The following FBN3 variants were observed in gnomAD, a reference collection of about 807,000 sequenced individuals.
The protein encoded by FBN3 is fibrillin-3.
A neutral mutation model predicts 330.1 loss-of-function variants in FBN3; 234 were observed. That is an observed-to-expected ratio of 0.71 (90% CI 0.64 to 0.79). The LOEUF is 0.79. Among genes scored for constraint, FBN3 ranks in the 30% least tolerant of loss-of-function variants. The probability of loss-of-function intolerance (pLI) is 0.00; values close to 1 mark genes in which losing one functional copy is unlikely to be tolerated. For missense variants in FBN3, 3,606 were observed against 3,886.9 expected (o/e 0.93, Z 1.92); for synonymous variants, 1,458 against 1,517.3 (o/e 0.96, Z 0.91).
chr19:8,140,712 G>T (rs191664873), intron 8 of FBN3, among the ~76,000 whole-genome samples: 119 of 152,226 alleles, frequency 7.8e-4, no homozygotes, highest in African/African-American at 2.7e-3. Flanking sequence ...CAAGGCCACA[G>T]GGTCTGTGAG....
intron 8 of FBN3, among the ~76,000 whole-genome samples, 161 bp downstream of exon 8, chr19:8,141,556 C>T (rs796370633): frequency 5.3e-5 from 8 of 152,206 alleles, no homozygotes; most frequent in African/African-American, 1.9e-4. Context: ...GAACAGAGGC[C>T]GGACAGGCTG....
In FBN3 at chr19:8,096,758, T is replaced by C; in HGVS notation, c.5413+123A>G. 3 of 1,331,342 alleles carry C rather than the reference T, an allele frequency of 2.3e-6. No individual in the cohort carries two copies. The highest frequency in any genetic ancestry group is 2.1e-6 in the Non-Finnish European group (2 of 966,852). 82.5% of individuals were successfully genotyped at this position (1,331,342 alleles called of 1,614,324 possible). The stretch of plus-strand genomic sequence containing the variant: ...ACATCCTATTAACAGACACTCTCAA[T>C]ACATCCCCCACCCCCCTAATAGTAT... On this transcript the variant is annotated intron_variant, in intron 43 of 63. Coordinates refer to ENST00000600128, the MANE Select transcript of FBN3 (RefSeq NM_032447.5). This position sits in a 1 kb window ranked among gnomAD's most constrained non-coding sequence, Gnocchi z 4.6.
At chr19:8,072,014 TG>T (rs780424396) in intron 63 of FBN3, 33 bp downstream of exon 63, 2 of 1,591,554 alleles carry the variant, frequency 1.3e-6, no homozygotes, top group South Asian at 2.2e-5. Flanking sequence ...ACCCATTCCC[TG>T]GCCACCCCTG....
At chr19:8,110,433 AC>A (rs1471990415) in intron 34 of FBN3, among the ~76,000 whole-genome samples, 3 of 152,140 alleles carry the variant, frequency 2.0e-5, no homozygotes, top group Non-Finnish European at 4.4e-5. Flanking sequence ...CCGGTCCACC[AC>A]CTGTTTGTGT....
chr19:8,138,300 G>A lies in FBN3; in HGVS notation c.1042C>T (p.Gln348Ter), dbSNP rs767381723. 12 of 1,613,138 alleles carry A rather than the reference G, an allele frequency of 7.4e-6. No individual in the cohort carries two copies. Among genetic ancestry groups the A allele is most frequent in the Non-Finnish European group, 1.7e-6 (2 of 1,179,746 alleles). Residue 348 changes from glutamine to a stop codon, truncating the protein, a stop_gained, in exon 10 of 64, where the codon CAG (glutamine) becomes TAG (stop). Coordinates refer to ENST00000600128, the MANE Select transcript of FBN3 (RefSeq NM_032447.5). LOFTEE classifies it high-confidence loss of function. Reference protein sequence around the residue: ...GSNEFQQLCAQRLPLLPGHPG... With the variant: ...GSNEFQQLCA ...TGGCCGGGTAGCAGCGGCAGCCGCT[G>A]GGCGCACAGTTGCTGGAATTCATCT...
chr19:8,083,405 T>C, intron 56 of FBN3, 33 bp from the exon 57 acceptor site: 3 of 1,612,336 alleles, frequency 1.9e-6, no homozygotes, highest in Non-Finnish European at 2.5e-6. Context: ...TGGGGCTGGC[T>C]GGCTGCTTCG....
intron 59 of FBN3, among the ~76,000 whole-genome samples, chr19:8,077,157 C>G (rs978621773): frequency 6.6e-6 from 1 of 152,112 alleles, no homozygotes; most frequent in Admixed American, 6.6e-5. Flanking sequence ...CAGGTTGCTA[C>G]GATGGTAGGA....
At position 8,110,921 on chromosome 19, in the gene FBN3, A is replaced by G. The variant is rs2082565257; in HGVS notation, c.4257T>C (p.Cys1419=). The G allele has an allele frequency of 6.2e-7, 1 of 1,614,176 alleles. No homozygotes were observed. Among genetic ancestry groups the G allele is most frequent in the African/African-American group, 1.3e-5 (1 of 75,034 alleles). Residue 1419 remains cysteine (C), a synonymous_variant, in exon 34 of 64, where the codon TGT becomes TGC. Transcript: ENST00000600128. ...AQGNLCAFGS[C]ENLPGMFRCI... is the part of the protein sequence containing the mutation. Reference sequence around the variant, plus strand: ...AGCGGAACATTCCAGGCAGGTTCTCACAGCTCCCAAATGCACAGAGGTTCC... The same window carrying G: ...AGCGGAACATTCCAGGCAGGTTCTCGCAGCTCCCAAATGCACAGAGGTTCC...
At chr19:8,112,213 G>T in intron 30 of FBN3, 114 bp from the exon 31 acceptor site, 1 of 1,140,422 alleles carries the variant, frequency 8.8e-7, no homozygotes, top group Non-Finnish European at 1.2e-6. Flanking sequence ...GGCCCAGAAA[G>T]CCTCCTCCCA....
At chr19:8,067,835 G>A (rs987669101) in intron 63 of FBN3, among the ~76,000 whole-genome samples, 1 of 152,292 alleles carries the variant, frequency 6.6e-6, no homozygotes, top group Admixed American at 6.5e-5. Flanking sequence ...GGCCAAGGTG[G>A]ACAGATTGCT....
At position 8,136,308 on chromosome 19, in the gene FBN3, A is replaced by C; in HGVS notation, c.1347T>G (p.Asp449Glu). The change falls in exon 12 of 64, where the codon GAT (aspartate) becomes GAG (glutamate). Residue 449 changes from aspartate (D) to glutamate (E), a missense_variant and splice_region_variant. Coordinates refer to ENST00000600128, the MANE Select transcript of FBN3 (RefSeq NM_032447.5). Reference protein sequence around the residue: ...YTQDVRGECIDVDECTSSPCH... With the variant: ...YTQDVRGECIEVDECTSSPCH... ...AGGGGCTGCTGGTGCATTCGTCTAC[A>C]TCTGAGGGGAGAGGACCCTGAGCCC... The C allele has an allele frequency of 6.2e-7, 1 of 1,601,886 alleles. No homozygotes were observed. The highest frequency in any genetic ancestry group is 8.5e-7 in the Non-Finnish European group (1 of 1,174,248).
rs577073691 is a variant in FBN3, at chr19:8,125,872, C to T, written c.2731+20G>A. ...AAGGAAGAACGTGTGGCCCTGTATG[C>T]GGACCTCGCCTGGACTCACCCACGC... On this transcript the variant is annotated intron_variant, in intron 22 of 63. Transcript: ENST00000600128. 1.3e-5 allele frequency: 20 copies of T among 1,593,680 alleles called. No homozygotes were observed. The highest frequency in any genetic ancestry group is 2.3e-5 in the East Asian group (1 of 44,392).
At position 8,117,554 on chromosome 19, in the gene FBN3, G is replaced by A. The variant is rs1224001344; in HGVS notation, c.3373C>T (p.Pro1125Ser). 2 of 1,557,022 alleles carry A rather than the reference G, an allele frequency of 1.3e-6. No homozygotes were observed. The highest frequency in any genetic ancestry group is 4.8e-5 in the East Asian group (2 of 41,374). ...DECSLSDGLC[P>S]HGQCVNVIGA... ...ATGACATTGACACACTGGCCATGGGGACACAGGCCATCACTCAGGGAGCAC... is the reference window on the plus strand; with the variant it reads ...ATGACATTGACACACTGGCCATGGGAACACAGGCCATCACTCAGGGAGCAC... The change falls in exon 27 of 64, where the codon CCC becomes TCC. Residue 1125 changes from proline to serine, a missense_variant. Pro to Ser is a moderately conservative substitution (Grantham distance 74). Coordinates refer to ENST00000600128, the MANE Select transcript of FBN3 (RefSeq NM_032447.5).
intron 13 of FBN3, 25 bp downstream of exon 13, chr19:8,135,936 G>GGGGGGGGGGGGGGGGGGGGGGGC: frequency 1.3e-5 from 9 of 668,772 alleles, no homozygotes; most frequent in Non-Finnish European, 2.2e-5. Context: ...GGAAGCCCCT[G>GGGGGGGGGGGGGGGGGGGGGGGC]CCCACCCGCC....
intron 5 of FBN3, among the ~76,000 whole-genome samples, chr19:8,145,538 A>C (rs1283124876): frequency 6.6e-6 from 1 of 151,656 alleles, no homozygotes; most frequent in Admixed American, 6.6e-5. Flanking sequence ...AAAATTAGTC[A>C]GGCAAGGTGG....
intron 18 of FBN3, among the ~76,000 whole-genome samples, chr19:8,127,955 C>T (rs909830581): frequency 6.6e-6 from 1 of 152,082 alleles, no homozygotes; most frequent in African/African-American, 2.4e-5. Flanking sequence ...GAGCCGAGAT[C>T]GCCCCATTGC....
At chr19:8,101,394 G>A (rs2082325182) in intron 40 of FBN3, among the ~76,000 whole-genome samples, 1 of 152,184 alleles carries the variant, frequency 6.6e-6, no homozygotes, top group Admixed American at 6.5e-5. Flanking sequence ...CATTCCTGCA[G>A]CTCCTCCTGG....
rs762445586 is a variant in FBN3 at position 8,096,576 on chromosome 19, G to T, written c.5414-7C>A. 1.4e-5 allele frequency: 23 copies of T among 1,607,400 alleles called. No homozygotes were observed. The highest frequency in any genetic ancestry group is 1.3e-4 in the Admixed American group (8 of 59,696). On this transcript the variant is annotated splice_region_variant and splice_polypyrimidine_tract_variant and intron_variant, in intron 43 of 63. Transcript: ENST00000600128. This position sits in a 1 kb window ranked among gnomAD's most constrained non-coding sequence, Gnocchi z 4.6. ...TCCCGACACTCATTCCGTCCTGGGG[G>T]TGCAGAGAGCATGGTGTTCCCAGGG...
rs1160775329 is a variant in FBN3 at position 8,072,996 on chromosome 19, TGTGTGTGC to T, written c.7937+59_7937+66del. On this transcript the variant is annotated intron_variant, in intron 62 of 63. Coordinates refer to ENST00000600128, the MANE Select transcript of FBN3 (RefSeq NM_032447.5). ...GTGTGTGTGTGTGTGTGTGTGTGTGTGTGTGTGCGTGCGTGCATGGACGCTTGCGGGGC... is the reference window on the plus strand; with the variant it reads ...GTGTGTGTGTGTGTGTGTGTGTGTGTGTGCGTGCATGGACGCTTGCGGGGC... 80 of 896,858 alleles carry T rather than the reference TGTGTGTGC, an allele frequency of 8.9e-5. 1 individual carries two copies. The highest frequency in any genetic ancestry group is 6.7e-4 in the South Asian group (45 of 67,560). The allele number at this position is 896,858 out of a possible 1,614,324, so 55.6% of individuals were successfully genotyped here.
Sources: allele counts gnomAD v4.1 joint callset (sites outside exome capture counted in the v4.1 genomes callset), GRCh38; gene constraint gnomAD v4.1.1; non-coding constraint Gnocchi (gnomAD v3.1); transcripts MANE v1.5; gene names NCBI Gene and HGNC (gene_info 2026-07-23, HGNC 2026-07-21).